KCNH5: variants seen among roughly 807,000 people sequenced by gnomAD.
KCNH5 encodes voltage-gated delayed rectifier potassium channel KCNH5.
KCNH5 carries 46 observed loss-of-function variants against 96.1 expected under a neutral mutation model. That is an observed-to-expected ratio of 0.48 (90% CI 0.38 to 0.61). KCNH5 has a LOEUF of 0.61. KCNH5 is among the 20% of genes least tolerant of loss of function. The pLI is 0.00. For missense variants in KCNH5, 907 were observed against 1,225.8 expected, an observed-to-expected ratio of 0.74 and a Z score of 3.88; for synonymous variants, 439 against 449.8, an observed-to-expected ratio of 0.98 and a Z score of 0.30.
At chr14:63,003,582 TAATATATATA>T (rs1891063959) in intron 3 of KCNH5, among the ~76,000 whole-genome samples, 1 of 123,844 alleles carries the variant, frequency 8.1e-6, no homozygotes, top group African/African-American at 3.1e-5. Flanking sequence ...TTTATATACA[TAATATATATA>T]TTTATATATT....
At chr14:62,890,766 T>G (rs968573271) in intron 7 of KCNH5, among the ~76,000 whole-genome samples, 3 of 149,968 alleles carry the variant, frequency 2.0e-5, no homozygotes, top group Non-Finnish European at 4.4e-5. Flanking sequence ...AAGAGATACA[T>G]GCAGCCAACA....
At chr14:63,011,489 A>G (rs1258127131) in intron 2 of KCNH5, among the ~76,000 whole-genome samples, 1 of 152,152 alleles carries the variant, frequency 6.6e-6, no homozygotes, top group Non-Finnish European at 1.5e-5. Flanking sequence ...AAAAAAAAAA[A>G]AAAGAAATAC....
At chr14:62,925,989 G>C (rs1470351074) in intron 7 of KCNH5, among the ~76,000 whole-genome samples, 2 of 152,046 alleles carry the variant, frequency 1.3e-5, no homozygotes, top group Non-Finnish European at 2.9e-5. Context: ...TTATAGACTT[G>C]CACAAGCTTT....
intron 9 of KCNH5, among the ~76,000 whole-genome samples, chr14:62,801,806 C>T (rs929918990): frequency 1.3e-5 from 2 of 152,176 alleles, no homozygotes. Flanking sequence ...ACCTCCTCCA[C>T]ACTTTCAGCT....
intron 9 of KCNH5, among the ~76,000 whole-genome samples, chr14:62,789,308 A>G (rs962458135): frequency 2.6e-5 from 4 of 151,782 alleles, no homozygotes; most frequent in African/African-American, 9.7e-5. Context: ...TACATACTAC[A>G]TTTTCTTTAT....
chr14:62,874,191 T>C (rs1412398210), intron 7 of KCNH5, among the ~76,000 whole-genome samples: 2 of 152,040 alleles, frequency 1.3e-5, no homozygotes, highest in Admixed American at 6.6e-5. Flanking sequence ...AGGAAACTCA[T>C]AATAAAAGGA....
At chr14:62,956,477 T>C (rs1352170953) in intron 6 of KCNH5, among the ~76,000 whole-genome samples, 1 of 152,024 alleles carries the variant, frequency 6.6e-6, no homozygotes, top group Non-Finnish European at 1.5e-5. Flanking sequence ...ACACTTAAGA[T>C]TGGGATAATT....
chr14:62,739,040 G>C (rs193087484), intron 10 of KCNH5, among the ~76,000 whole-genome samples: 38 of 152,158 alleles, frequency 2.5e-4, no homozygotes, highest in Non-Finnish European at 1.6e-4. Flanking sequence ...AGAAGTAAAG[G>C]GTTCAAGAAG....
chr14:62,929,838 C>T (rs1043449594), intron 7 of KCNH5, among the ~76,000 whole-genome samples: 4 of 151,964 alleles, frequency 2.6e-5, no homozygotes, highest in African/African-American at 9.7e-5. Context: ...GTCTATTATT[C>T]CCATGTTTAT....
intron 8 of KCNH5, among the ~76,000 whole-genome samples, chr14:62,830,111 C>A (rs563644486): frequency 7.0e-4 from 106 of 152,216 alleles, no homozygotes; most frequent in African/African-American, 2.5e-3. Context: ...CAAAAGTGAC[C>A]TTTACTCCAG....
At chr14:62,969,153 T>C (rs1208059250) in intron 6 of KCNH5, among the ~76,000 whole-genome samples, 3 of 152,030 alleles carry the variant, frequency 2.0e-5, no homozygotes, top group Non-Finnish European at 2.9e-5. Context: ...TAACACACTT[T>C]TAAATAACAC....
chr14:62,908,694 T>C (rs1595679683), intron 7 of KCNH5, among the ~76,000 whole-genome samples: 1 of 151,840 alleles, frequency 6.6e-6, no homozygotes, highest in East Asian at 1.9e-4. Flanking sequence ...CTGTGTGACT[T>C]CGCTGTGAAA....
At chr14:62,833,517 T>C (rs964130086) in intron 8 of KCNH5, among the ~76,000 whole-genome samples, 1 of 152,110 alleles carries the variant, frequency 6.6e-6, no homozygotes, top group Non-Finnish European at 1.5e-5. Flanking sequence ...AGGACCATAC[T>C]GTTTTAATTA....
intron 6 of KCNH5, among the ~76,000 whole-genome samples, chr14:62,979,406 A>T (rs1890564408): frequency 6.6e-6 from 1 of 152,108 alleles, no homozygotes; most frequent in Non-Finnish European, 1.5e-5. Flanking sequence ...ATATCAAAAT[A>T]CAATGTCTAC....
Position 62,770,886 on chromosome 14 carries a change from A to G in KCNH5, c.2019+8842T>C, listed in dbSNP as rs550719519. Among the ~76,000 whole-genome samples, 4 of 152,302 alleles carry G rather than the reference A, an allele frequency of 2.6e-5. No homozygotes were observed. In the East Asian group the frequency reaches 7.7e-4, roughly 29 times the overall value. Reference sequence around the variant, plus strand: ...TACAGACTGAATGTTTATGTCTCCCACCCGCAAATTCATATGGGGAAGCCT... The same window carrying G: ...TACAGACTGAATGTTTATGTCTCCCGCCCGCAAATTCATATGGGGAAGCCT... On this transcript the variant is annotated intron_variant, in intron 10 of 10. Coordinates refer to ENST00000322893, the MANE Select transcript of KCNH5 (RefSeq NM_139318.5).
intron 10 of KCNH5, among the ~76,000 whole-genome samples, chr14:62,730,234 A>G (rs1885020972): frequency 6.6e-6 from 1 of 152,220 alleles, no homozygotes; most frequent in South Asian, 2.1e-4. Flanking sequence ...TTAAAAATGA[A>G]AATACAGTTT....
intron 9 of KCNH5, among the ~76,000 whole-genome samples, chr14:62,799,829 TTAAA>T (rs1886622927): frequency 1.5e-5 from 2 of 135,366 alleles, no homozygotes; most frequent in Non-Finnish European, 3.2e-5. Flanking sequence ...TAATTAAATA[TTAAA>T]TAATATATTA....
chr14:62,966,295 G>A (rs1890304312), intron 6 of KCNH5, among the ~76,000 whole-genome samples: 1 of 152,130 alleles, frequency 6.6e-6, no homozygotes, highest in Admixed American at 6.6e-5. Context: ...AGACTCAGAA[G>A]GGCACAGAAT....
intron 9 of KCNH5, among the ~76,000 whole-genome samples, chr14:62,782,667 C>T (rs552305075): frequency 1.1e-4 from 16 of 152,042 alleles, no homozygotes; most frequent in South Asian, 4.2e-4. Flanking sequence ...AAAAATTAGC[C>T]GGGCGTGGTG....
Sources: allele counts gnomAD v4.1 joint callset (sites outside exome capture counted in the v4.1 genomes callset), GRCh38; gene constraint gnomAD v4.1.1; transcripts MANE v1.5; gene names NCBI Gene and HGNC (gene_info 2026-07-23, HGNC 2026-07-21).